Variants in ZNF43 observed in about 807,000 individuals in gnomAD.
The protein encoded by ZNF43 is zinc finger protein 39-like 1 (KOX 27).
Under a neutral mutation model 68.4 loss-of-function variants are expected in ZNF43, and 44 were observed. The observed-to-expected ratio is 0.64, with a 90% CI of 0.51 to 0.83. The LOEUF (loss-of-function observed/expected upper bound fraction) is 0.83. ZNF43 is among the 40% of genes least tolerant of loss of function. ZNF43 has a pLI of 0.00. For synonymous variants in ZNF43, 308 were observed against 307.8 expected, an observed-to-expected ratio of 1.00 and a Z score of -0.01; for missense variants, 896 against 933.2, an observed-to-expected ratio of 0.96 and a Z score of 0.52.
intron 1 of ZNF43, among the ~76,000 whole-genome samples, chr19:21,834,147 G>T (rs1453556590): frequency 6.6e-6 from 1 of 151,766 alleles, no homozygotes; most frequent in Admixed American, 6.6e-5. Flanking sequence ...AGACCAGCCT[G>T]GTCAACATGG....
chr19:21,836,643 G>A (rs2038755148), upstream of ZNF43, among the ~76,000 whole-genome samples: 1 of 152,188 alleles, frequency 6.6e-6, no homozygotes, highest in African/African-American at 2.4e-5. Flanking sequence ...GGAGTGCAGG[G>A]TCATGACTGC....
intron 3 of ZNF43, among the ~76,000 whole-genome samples, chr19:21,814,849 T>C (rs2037443491): frequency 6.6e-6 from 1 of 151,946 alleles, no homozygotes; most frequent in Admixed American, 6.6e-5. Flanking sequence ...AATACACTAA[T>C]ATGAAACTGG....
At chr19:21,848,853 G>C (rs1968139300) in intron 1 of ZNF43, among the ~76,000 whole-genome samples, 1 of 147,776 alleles carries the variant, frequency 6.8e-6, no homozygotes, top group Non-Finnish European at 1.5e-5. Flanking sequence ...TCTCTTGTGA[G>C]CTGTGTTCGC....
chr19:21,847,741 T>C (rs1479654866), intron 1 of ZNF43, among the ~76,000 whole-genome samples: 2 of 152,044 alleles, frequency 1.3e-5, no homozygotes, highest in Admixed American at 6.6e-5. Flanking sequence ...ACGGGCATCA[T>C]TGAGTTACAT....
rs201196977 is a variant in ZNF43, at chr19:21,812,939, A to AT, written c.230-3133_230-3132insA. On this transcript the variant is annotated intron_variant, in intron 3 of 3. Coordinates refer to ENST00000354959, the MANE Select transcript of ZNF43 (RefSeq NM_003423.4). Reference sequence around the variant, plus strand: ...CAGAGTGTGACTCCATCTCAAAAAAAAATAATAATAAAAAATTACAAATTA... The same window carrying AT: ...CAGAGTGTGACTCCATCTCAAAAAAATAATAATAATAAAAAATTACAAATTA... Among the ~76,000 whole-genome samples, 516 of 151,836 alleles carry AT rather than the reference A, an allele frequency of 3.4e-3. 4 individuals carry two copies. The highest frequency in any genetic ancestry group is 0.012 in the African/African-American group (499 of 41,408).
intron 1 of ZNF43, among the ~76,000 whole-genome samples, chr19:21,848,415 G>T (rs975042098): frequency 2.0e-5 from 3 of 151,990 alleles, no homozygotes; most frequent in Admixed American, 2.0e-4. Flanking sequence ...CAGAGTGCTG[G>T]GATTACAGGC....
At chr19:21,849,139 G>A (rs751057122) in intron 1 of ZNF43, among the ~76,000 whole-genome samples, 1 of 152,108 alleles carries the variant, frequency 6.6e-6, no homozygotes, top group Admixed American at 6.6e-5. Context: ...TCACCTGCTT[G>A]CTGAACTCTA....
Position 21,807,395 on chromosome 19 carries a change from G to T in ZNF43, c.*212C>A. 1 of 444,222 alleles carries T rather than the reference G, an allele frequency of 2.3e-6. No homozygotes were observed. The highest frequency in any genetic ancestry group is 3.9e-6 in the Non-Finnish European group (1 of 256,426). The allele number at this position is 444,222 out of a possible 1,614,324, so 27.5% of individuals were successfully genotyped here. On this transcript the variant is annotated 3_prime_UTR_variant, in exon 4 of 4. Transcript: ENST00000354959. The stretch of plus-strand genomic sequence containing the variant: ...AGTAAGATATGAGCACATATTAATG[G>T]CTTTTCCACATTCTTTGTGTATATA...
chr19:21,843,407 T>C (rs1967671988), intron 1 of ZNF43: 2 of 984,564 alleles, frequency 2.0e-6, no homozygotes, highest in Non-Finnish European at 2.4e-6. Context: ...ATTTGGATAT[T>C]GGGTCTAAGT....
chr19:21,836,240 G>T, upstream of ZNF43: 1 of 1,400,522 alleles, frequency 7.1e-7, no homozygotes, highest in Non-Finnish European at 9.3e-7. Context: ...TGCCTGATTG[G>T]ACGGTTTCCA....
chr19:21,835,889 G>T, intron 1 of ZNF43, 147 bp downstream of exon 1: 1 of 1,394,252 alleles, frequency 7.2e-7, no homozygotes, highest in Non-Finnish European at 1.0e-6. Context: ...CTGCCTCCCA[G>T]AGCAGCCGCC....
At chr19:21,851,923 A>G (rs1177917098) in exon 1 of ZNF43, 2 of 1,578,280 alleles carry the variant, frequency 1.3e-6, no homozygotes, top group Admixed American at 1.8e-5. Flanking sequence ...AGCTTCCAGG[A>G]TGTCCGGGCA....
At chr19:21,820,751 A>G (rs1344921931) in intron 1 of ZNF43, among the ~76,000 whole-genome samples, 1 of 152,166 alleles carries the variant, frequency 6.6e-6, no homozygotes, top group Non-Finnish European at 1.5e-5. Context: ...CCAAAAAGTA[A>G]ATTATAATCT....
chr19:21,826,137 C>T lies in ZNF43; in HGVS notation c.4-6916G>A, dbSNP rs183959323. 2.5e-3 allele frequency among the ~76,000 whole-genome samples: 378 copies of T among 152,192 alleles called. 1 individual carries two copies. Among genetic ancestry groups the T allele is most frequent in the South Asian group, 0.013 (63 of 4,812 alleles). The stretch of plus-strand genomic sequence containing the variant: ...AAATTTTGTCTATCCTTTCTAGAAG[C>T]GACTACAGTTAATTACATATACCAA... On this transcript the variant is annotated intron_variant, in intron 1 of 3. Coordinates refer to ENST00000354959, the MANE Select transcript of ZNF43 (RefSeq NM_003423.4).
At chr19:21,833,444 A>G (rs888121961) in intron 1 of ZNF43, among the ~76,000 whole-genome samples, 41 of 151,454 alleles carry the variant, frequency 2.7e-4, no homozygotes, top group African/African-American at 9.0e-4. Context: ...ATTTTTTTGT[A>G]TTTTTAGTTG....
At chr19:21,849,897 A>G (rs1599556538) in intron 1 of ZNF43, 2 of 152,194 alleles carry the variant, frequency 1.3e-5, no homozygotes, top group African/African-American at 2.4e-5. Flanking sequence ...GGGCCAAGCT[A>G]TATTTCACAA....
At chr19:21,826,380 G>GA in intron 1 of ZNF43, 1 of 152,150 alleles carries the variant, frequency 6.6e-6, no homozygotes, top group East Asian at 1.9e-4. Context: ...CAAAATGATA[G>GA]AACAGAAATA....
intron 1 of ZNF43, among the ~76,000 whole-genome samples, chr19:21,825,791 G>A (rs1306605031): frequency 1.3e-5 from 2 of 152,180 alleles, no homozygotes; most frequent in Non-Finnish European, 2.9e-5. Flanking sequence ...AGTGGCTCAC[G>A]CCTGTAATCC....
intron 1 of ZNF43, among the ~76,000 whole-genome samples, chr19:21,835,807 T>G (rs1340644567): frequency 6.6e-6 from 1 of 152,186 alleles, no homozygotes; most frequent in East Asian, 1.9e-4. Context: ...GCGTTGCGGC[T>G]GCAGAGCTGC....
Sources: allele counts gnomAD v4.1 joint callset (sites outside exome capture counted in the v4.1 genomes callset), GRCh38; gene constraint gnomAD v4.1.1; transcripts MANE v1.5; gene names NCBI Gene and HGNC (gene_info 2026-07-23, HGNC 2026-07-21).